Variants in CCSER1 observed in about 807,000 individuals in gnomAD.
CCSER1 encodes the protein coiled-coil serine rich protein 1.
In CCSER1, 41 loss-of-function variants were observed where a neutral mutation model predicts 82.0. The observed-to-expected ratio is 0.50, with a 90% CI of 0.39 to 0.65. CCSER1 has a LOEUF of 0.65. Ranked by LOEUF, CCSER1 falls within the 30% of genes least tolerant of loss-of-function variation. CCSER1 has a pLI of 0.00. For synonymous variants in CCSER1, 414 were observed against 383.9 expected (o/e 1.08, Z -0.92); for missense variants, 1,119 against 1,064.2 (o/e 1.05, Z -0.72).
intron 10 of CCSER1, among the ~76,000 whole-genome samples, chr4:91,471,482 T>C (rs1167689627): frequency 6.6e-6 from 1 of 152,126 alleles, no homozygotes; most frequent in African/African-American, 2.4e-5. Flanking sequence ...TGTGCTACTC[T>C]CACGGTTGTC....
At chr4:90,829,682 A>C (rs1760895790) in intron 8 of CCSER1, among the ~76,000 whole-genome samples, 1 of 152,154 alleles carries the variant, frequency 6.6e-6, no homozygotes, top group South Asian at 2.1e-4. Flanking sequence ...GAAAGAAAGG[A>C]AAATTTGCTT....
chr4:90,487,063 C>G (rs1025807943), intron 5 of CCSER1, among the ~76,000 whole-genome samples: 8 of 152,186 alleles, frequency 5.3e-5, no homozygotes, highest in African/African-American at 7.2e-5. Flanking sequence ...AGGGGCCCAC[C>G]ACCATGCCCA....
chr4:90,832,622 T>C (rs1761276562), intron 8 of CCSER1, among the ~76,000 whole-genome samples: 1 of 152,212 alleles, frequency 6.6e-6, no homozygotes, highest in Non-Finnish European at 1.5e-5. Flanking sequence ...AAATGATCAT[T>C]ATTTCTTTTG....
chr4:91,124,734 A>G (rs1727358933), intron 10 of CCSER1, among the ~76,000 whole-genome samples: 1 of 151,874 alleles, frequency 6.6e-6, no homozygotes, highest in Admixed American at 6.6e-5. Context: ...GCAGACACTC[A>G]TTAAATGTGT....
At chr4:90,789,108 C>T (rs1754905590) in intron 7 of CCSER1, among the ~76,000 whole-genome samples, 1 of 152,142 alleles carries the variant, frequency 6.6e-6, no homozygotes, top group South Asian at 2.1e-4. Context: ...TAGTTGGTAG[C>T]TCACTACTTT....
chr4:91,402,991 G>A (rs144566867), intron 10 of CCSER1, among the ~76,000 whole-genome samples: 5,610 of 152,212 alleles, frequency 0.037, 372 homozygotes, highest in African/African-American at 0.13. Flanking sequence ...TGGGCAGTAT[G>A]GCCATTTTCA....
chr4:90,495,747 T>G (rs1376492423), intron 5 of CCSER1, among the ~76,000 whole-genome samples: 2 of 152,164 alleles, frequency 1.3e-5, no homozygotes, highest in African/African-American at 2.4e-5. Flanking sequence ...TAAGGAGATA[T>G]TAAGGATCCA....
At chr4:91,384,633 A>C (rs1345783338) in intron 10 of CCSER1, among the ~76,000 whole-genome samples, 1 of 152,084 alleles carries the variant, frequency 6.6e-6, no homozygotes, top group Non-Finnish European at 1.5e-5. Flanking sequence ...ATGTAAGGGT[A>C]TATCTTATAT....
intron 10 of CCSER1, among the ~76,000 whole-genome samples, chr4:91,371,394 A>G (rs1355165483): frequency 6.6e-6 from 1 of 151,934 alleles, no homozygotes; most frequent in African/African-American, 2.4e-5. Context: ...TAGCTCCCAT[A>G]AATGAATGCA....
chr4:90,402,530 G>A (rs4692951), intron 4 of CCSER1, among the ~76,000 whole-genome samples: 152,303 of 152,332 alleles, frequency 1, 76,137 homozygotes, highest in Middle Eastern at 1. Context: ...CTTAAAAATT[G>A]TCAAAGCCGG....
intron 3 of CCSER1, among the ~76,000 whole-genome samples, chr4:90,392,454 G>A (rs921853083): frequency 1.3e-5 from 2 of 151,908 alleles, no homozygotes; most frequent in Admixed American, 1.3e-4. Flanking sequence ...AATTAATATT[G>A]TAATTTACCT....
intron 10 of CCSER1, among the ~76,000 whole-genome samples, chr4:91,542,742 T>C (rs1181657017): frequency 6.6e-6 from 1 of 152,204 alleles, no homozygotes; most frequent in Non-Finnish European, 1.5e-5. Context: ...AATTTTGGAA[T>C]AAGTGTGATG....
At chr4:90,416,914 G>A (rs1281764738) in intron 4 of CCSER1, among the ~76,000 whole-genome samples, 3 of 151,450 alleles carry the variant, frequency 2.0e-5, no homozygotes, top group South Asian at 4.1e-4. Context: ...GGATGAAGCT[G>A]AAAACCATTA....
intron 5 of CCSER1, among the ~76,000 whole-genome samples, chr4:90,605,915 A>T (rs933423622): frequency 4.6e-5 from 7 of 152,250 alleles, no homozygotes; most frequent in African/African-American, 1.7e-4. Flanking sequence ...TTATTAGAAT[A>T]TGACAATAAC....
chr4:90,387,608 G>C lies in CCSER1; in HGVS notation c.1510-12428G>C, dbSNP rs1205603874. Among the ~76,000 whole-genome samples the C allele has an allele frequency of 2.0e-5, 3 of 152,148 alleles. No homozygotes were observed. In the East Asian group the frequency reaches 5.8e-4, roughly 29 times the overall value. On this transcript the variant is annotated intron_variant, in intron 3 of 10. Transcript: ENST00000509176. ...GTCATGCAATATCAGTCAACTTGGA[G>C]GCTGAGATTAACCATGTAGTCAATC...
chr4:91,180,729 A>T (rs563494623), intron 10 of CCSER1, among the ~76,000 whole-genome samples: 1 of 152,184 alleles, frequency 6.6e-6, no homozygotes, highest in South Asian at 2.1e-4. Context: ...GCGGCACTAG[A>T]GGAATTAAAG....
chr4:91,470,003 G>C (rs1175283154), intron 10 of CCSER1, among the ~76,000 whole-genome samples: 1 of 152,112 alleles, frequency 6.6e-6, no homozygotes, highest in Admixed American at 6.5e-5. Context: ...GCAAATATAT[G>C]TCTCTGGAAA....
intron 1 of CCSER1, among the ~76,000 whole-genome samples, chr4:90,233,503 G>C (rs1352135782): frequency 6.6e-6 from 1 of 152,030 alleles, no homozygotes; most frequent in Non-Finnish European, 1.5e-5. Context: ...GGGATAGCAT[G>C]GGGAGATATA....
At chr4:90,569,624 C>T (rs1309005720) in intron 5 of CCSER1, among the ~76,000 whole-genome samples, 1 of 152,290 alleles carries the variant, frequency 6.6e-6, no homozygotes, top group African/African-American at 2.4e-5. Flanking sequence ...GCAGGAAGAG[C>T]TGCCCAAAGA....
Sources: gnomAD v4.1 joint callset for allele counts (sites outside exome capture counted in the v4.1 genomes callset) on GRCh38, gnomAD v4.1.1 for gene constraint, MANE v1.5 for transcripts, NCBI Gene and HGNC (gene_info 2026-07-23, HGNC 2026-07-21) for gene names.